The following CDKL2 variants were observed in gnomAD, a reference collection of about 807,000 sequenced individuals.
CDKL2 encodes cyclin-dependent kinase-like 2.
In CDKL2, 64 loss-of-function variants were observed where a neutral mutation model predicts 63.9. The ratio of observed to expected loss-of-function variants is 1.00; its 90% CI spans 0.82 to 1.23. The LOEUF (loss-of-function observed/expected upper bound fraction) is 1.23, where lower values mean the gene tolerates loss of function less well. CDKL2 is among the 50% of genes most tolerant of loss of function. CDKL2 has a pLI of 0.00. For missense variants in CDKL2, 656 were observed against 668.0 expected (o/e 0.98, Z 0.20); for synonymous variants, 211 against 229.2 (o/e 0.92, Z 0.72).
intron 12 of CDKL2, among the ~76,000 whole-genome samples, chr4:75,582,498 G>A (rs1728303885): frequency 1.3e-5 from 2 of 151,968 alleles, no homozygotes; most frequent in African/African-American, 2.4e-5. Flanking sequence ...AGAACAGAAA[G>A]AAAAATGATT....
intron 7 of CDKL2, among the ~76,000 whole-genome samples, chr4:75,599,328 CA>C (rs938099909): frequency 6.6e-6 from 1 of 151,826 alleles, no homozygotes; most frequent in African/African-American, 2.4e-5. Flanking sequence ...TTAGGAGGCC[CA>C]GGTGGGCAGA....
intron 12 of CDKL2, among the ~76,000 whole-genome samples, chr4:75,586,065 T>C (rs1728465319): frequency 3.9e-5 from 6 of 152,178 alleles, no homozygotes. Flanking sequence ...AAGATCACAC[T>C]GAGTGTATTC....
At position 75,614,248 on chromosome 4, in the gene CDKL2, T is replaced by C. The variant is rs754466804; in HGVS notation, c.363+7A>G. ...GATAAAGCAAATTATTTAAACCCAA[T>C]ACTTACATTGTGACTGTGACAAAAT... On this transcript the variant is annotated splice_region_variant and intron_variant, in intron 3 of 13. Coordinates refer to ENST00000307465, the MANE Select transcript of CDKL2 (RefSeq NM_001330724.2). The C allele has an allele frequency of 1.3e-5, 20 of 1,550,780 alleles. No individual in the cohort carries two copies. The African/African-American group carries it at 2.6e-4, about 20-fold the overall frequency.
At chr4:75,624,816 C>G (rs1236596693) in intron 2 of CDKL2, among the ~76,000 whole-genome samples, 1 of 152,030 alleles carries the variant, frequency 6.6e-6, no homozygotes, top group Non-Finnish European at 1.5e-5. Flanking sequence ...TGAGATAGCA[C>G]CATTGCACTC....
chr4:75,615,710 A>C (rs899345358), intron 2 of CDKL2, among the ~76,000 whole-genome samples: 3 of 152,254 alleles, frequency 2.0e-5, no homozygotes, highest in African/African-American at 7.2e-5. Flanking sequence ...GTGTATATAT[A>C]CACCAGGTGC....
intron 5 of CDKL2, among the ~76,000 whole-genome samples, chr4:75,604,675 G>A (rs1337912400): frequency 6.6e-6 from 1 of 152,184 alleles, no homozygotes; most frequent in Non-Finnish European, 1.5e-5. Context: ...GAATGTGAAA[G>A]TAAGGACAGT....
intron 2 of CDKL2, among the ~76,000 whole-genome samples, chr4:75,622,715 CAAAAAAAAAAAA>C (rs1171964321): frequency 1.0e-3 from 14 of 13,956 alleles, no homozygotes; most frequent in South Asian, 0.011. Context: ...AAGACTCCAT[CAAAAAAAAAAAA>C]AAAAAAAAAA....
intron 12 of CDKL2, among the ~76,000 whole-genome samples, chr4:75,586,393 T>C (rs1463132471): frequency 1.3e-5 from 2 of 151,628 alleles, no homozygotes; most frequent in Non-Finnish European, 2.9e-5. Flanking sequence ...GCCCAGCTAA[T>C]TTTTTTGTAT....
At chr4:75,628,173 T>C (rs1370839522) in intron 1 of CDKL2, among the ~76,000 whole-genome samples, 4 of 151,530 alleles carry the variant, frequency 2.6e-5, no homozygotes, top group Non-Finnish European at 4.4e-5. Context: ...TGGAGTGCAG[T>C]GGCGCGATCT....
rs1273735582 is a variant in CDKL2, at chr4:75,598,161, A to G, written c.936T>C (p.Ser312=). Residue 312 remains serine, a synonymous_variant, in exon 8 of 14, where the codon TCT becomes TCC. Coordinates refer to ENST00000307465, the MANE Select transcript of CDKL2 (RefSeq NM_001330724.2). ...TTCTGTTTTGGGATTTTTTAGATAAAGAAACATTTCTGGCATCTTTCTGTA... is the reference window on the plus strand; with the variant it reads ...TTCTGTTTTGGGATTTTTTAGATAAGGAAACATTTCTGGCATCTTTCTGTA... ...LKVQKDARNV[S]LSKKSQNRKK... 1 of 1,540,050 alleles carries G rather than the reference A, an allele frequency of 6.5e-7. No homozygotes were observed. The highest frequency in any genetic ancestry group is 1.7e-4 in the Middle Eastern group (1 of 5,768).
intron 3 of CDKL2, among the ~76,000 whole-genome samples, chr4:75,609,944 C>T (rs1578341010): frequency 6.6e-6 from 1 of 151,806 alleles, no homozygotes. Flanking sequence ...TGGCTCACAC[C>T]TGTAATCCCA....
At chr4:75,602,794 G>A (rs544703019) in intron 6 of CDKL2, among the ~76,000 whole-genome samples, 4 of 152,262 alleles carry the variant, frequency 2.6e-5, no homozygotes, top group African/African-American at 9.6e-5. Context: ...AAAGTGCTGG[G>A]ATTACAGGTG....
At chr4:75,601,230 A>T (rs2148882584) in intron 6 of CDKL2, among the ~76,000 whole-genome samples, 1 of 152,272 alleles carries the variant, frequency 6.6e-6, no homozygotes, top group Non-Finnish European at 1.5e-5. Flanking sequence ...GATAGTAAGA[A>T]ATTATTTGGA....
At chr4:75,579,519 C>CA (rs200343010) in intron 13 of CDKL2, among the ~76,000 whole-genome samples, 6,490 of 151,918 alleles carry the variant, frequency 0.043, 165 homozygotes, top group Non-Finnish European at 0.062. Flanking sequence ...ACTAAAAATA[C>CA]AAAAAAATTA....
At chr4:75,595,987 AGG>A in intron 10 of CDKL2, 1 of 285,058 alleles carries the variant, frequency 3.5e-6, no homozygotes, top group South Asian at 9.1e-5. Flanking sequence ...GAAGGAAGGA[AGG>A]AAGGAAGGAA....
chr4:75,591,708 C>T, intron 12 of CDKL2, 111 bp downstream of exon 12: 1 of 646,620 alleles, frequency 1.5e-6, no homozygotes, highest in Non-Finnish European at 2.6e-6. Flanking sequence ...TGTTATAGAT[C>T]CCACCAATAA....
chr4:75,595,203 C>CTTTTT (rs71203830), intron 10 of CDKL2, among the ~76,000 whole-genome samples: 1 of 135,280 alleles, frequency 7.4e-6, no homozygotes, highest in Non-Finnish European at 1.6e-5. Flanking sequence ...TTTCTTTCTT[C>CTTTTT]TTTTTTTTTT....
At chr4:75,611,504 T>G (rs1729692352) in intron 3 of CDKL2, among the ~76,000 whole-genome samples, 1 of 146,774 alleles carries the variant, frequency 6.8e-6, no homozygotes, top group Admixed American at 6.8e-5. Context: ...GGAAAAAAAG[T>G]AGTATGCCAG....
At chr4:75,589,494 CG>C (rs1287673373) in intron 12 of CDKL2, among the ~76,000 whole-genome samples, 6 of 150,842 alleles carry the variant, frequency 4.0e-5, no homozygotes. Context: ...TTAGTAGAGA[CG>C]GGGTTTCACC....
Sources: gnomAD v4.1 joint callset for allele counts (sites outside exome capture counted in the v4.1 genomes callset) on GRCh38, gnomAD v4.1.1 for gene constraint, MANE v1.5 for transcripts, NCBI Gene and HGNC (gene_info 2026-07-23, HGNC 2026-07-21) for gene names.